DLG2: variants seen among roughly 807,000 people sequenced by gnomAD.
The protein encoded by DLG2 is disks large homolog 2.
In DLG2, 45 loss-of-function variants were observed where a neutral mutation model predicts 132.5. That is an observed-to-expected ratio of 0.34 (90% CI 0.27 to 0.44). The LOEUF is 0.44. DLG2 is among the 20% of genes least tolerant of loss of function. DLG2 has a pLI of 1.00. For synonymous variants in DLG2, 424 were observed against 419.6 expected, an observed-to-expected ratio of 1.01 and a Z score of -0.13; for missense variants, 1,045 against 1,196.9, an observed-to-expected ratio of 0.87 and a Z score of 1.87.
At chr11:84,959,454 A>C (rs543368965) in intron 6 of DLG2, among the ~76,000 whole-genome samples, 1 of 152,296 alleles carries the variant, frequency 6.6e-6, no homozygotes, top group East Asian at 1.9e-4. Flanking sequence ...TACTTGGCAA[A>C]CACCTTCTAG....
intron 8 of DLG2, among the ~76,000 whole-genome samples, chr11:84,235,007 G>A (rs1351170411): frequency 6.6e-6 from 1 of 152,154 alleles, no homozygotes; most frequent in East Asian, 1.9e-4. Context: ...TGAAGCCTGC[G>A]GCCTGGAAGC....
At chr11:85,087,154 T>C (rs1399033614) in intron 6 of DLG2, among the ~76,000 whole-genome samples, 1 of 152,168 alleles carries the variant, frequency 6.6e-6, no homozygotes, top group African/African-American at 2.4e-5. Flanking sequence ...GTGAACAGAA[T>C]AGACAAATTC....
chr11:83,712,522 C>G (rs950584517), intron 18 of DLG2, among the ~76,000 whole-genome samples: 4 of 151,860 alleles, frequency 2.6e-5, no homozygotes, highest in Non-Finnish European at 5.9e-5. Context: ...CCCAGCTACT[C>G]GGGAGGCTGA....
At chr11:84,071,995 A>C (rs1478821155) in intron 10 of DLG2, among the ~76,000 whole-genome samples, 2 of 152,214 alleles carry the variant, frequency 1.3e-5, no homozygotes, top group African/African-American at 4.8e-5. Context: ...TGCAGAAAGA[A>C]ATCCAGGCAA....
chr11:84,063,978 G>C (rs934804959), intron 10 of DLG2, among the ~76,000 whole-genome samples: 9 of 151,816 alleles, frequency 5.9e-5, no homozygotes, highest in Admixed American at 1.3e-4. Context: ...TGGGGGGCTG[G>C]GGGAGGGATA....
intron 6 of DLG2, among the ~76,000 whole-genome samples, chr11:84,710,290 C>T (rs944779597): frequency 2.6e-5 from 4 of 151,814 alleles, no homozygotes; most frequent in Admixed American, 6.6e-5. Context: ...ACTATTTTAC[C>T]GTATTTGAGC....
chr11:84,832,153 C>T (rs1283179030), intron 6 of DLG2, among the ~76,000 whole-genome samples: 1 of 151,586 alleles, frequency 6.6e-6, no homozygotes, highest in African/African-American at 2.4e-5. Flanking sequence ...CTGCTTTAAG[C>T]TCACAGTTAG....
At chr11:85,199,002 T>G (rs934192216) in intron 4 of DLG2, among the ~76,000 whole-genome samples, 1 of 152,212 alleles carries the variant, frequency 6.6e-6, no homozygotes, top group African/African-American at 2.4e-5. Context: ...GGAGAACTAG[T>G]TGGCAGTACT....
At chr11:84,705,474 A>G (rs2059691158) in intron 6 of DLG2, among the ~76,000 whole-genome samples, 1 of 151,876 alleles carries the variant, frequency 6.6e-6, no homozygotes, top group African/African-American at 2.4e-5. Context: ...GAGAGACAAA[A>G]GCTGCTTATT....
chr11:84,137,413 T>C (rs2094643387), intron 9 of DLG2, among the ~76,000 whole-genome samples: 1 of 152,058 alleles, frequency 6.6e-6, no homozygotes, highest in African/African-American at 2.4e-5. Context: ...GAGGGCATAA[T>C]TTTCAGGTGA....
intron 6 of DLG2, among the ~76,000 whole-genome samples, chr11:85,080,779 A>G (rs1313078141): frequency 6.6e-6 from 1 of 152,134 alleles, no homozygotes; most frequent in Non-Finnish European, 1.5e-5. Flanking sequence ...TTGTTGTCCA[A>G]TCATCAAGCT....
At chr11:85,248,756 C>A (rs905223702) in intron 4 of DLG2, among the ~76,000 whole-genome samples, 1 of 151,962 alleles carries the variant, frequency 6.6e-6, no homozygotes. Context: ...GAAAGTCAAC[C>A]ATAGAATAAT....
chr11:85,287,358 A>T (rs1013753596), intron 3 of DLG2, among the ~76,000 whole-genome samples: 6 of 152,154 alleles, frequency 3.9e-5, no homozygotes, highest in Admixed American at 6.6e-5. Context: ...AATTGGTAAA[A>T]GTTATGAGCA....
At chr11:85,030,930 A>G (rs2060944723) in intron 6 of DLG2, among the ~76,000 whole-genome samples, 2 of 151,938 alleles carry the variant, frequency 1.3e-5, no homozygotes, top group African/African-American at 2.4e-5. Context: ...AGCTGTACCC[A>G]TAAGTTTCTT....
At chr11:84,397,516 C>T (rs750090345) in intron 7 of DLG2, among the ~76,000 whole-genome samples, 1 of 152,184 alleles carries the variant, frequency 6.6e-6, no homozygotes, top group Non-Finnish European at 1.5e-5. Context: ...CAGGCCTCCT[C>T]ATGAAACCAC....
chr11:83,534,197 GT>G (rs940492490), intron 20 of DLG2, among the ~76,000 whole-genome samples: 6 of 152,098 alleles, frequency 3.9e-5, no homozygotes, highest in African/African-American at 1.4e-4. Context: ...TGATTTCCTT[GT>G]GTTTACTTAC....
At chr11:84,785,729 A>G (rs2072765747) in intron 6 of DLG2, among the ~76,000 whole-genome samples, 1 of 152,124 alleles carries the variant, frequency 6.6e-6, no homozygotes, top group Non-Finnish European at 1.5e-5. Context: ...TTATGAAATC[A>G]TGGATCTAAA....
At chr11:83,519,574 A>C (rs2095410956) in intron 21 of DLG2, among the ~76,000 whole-genome samples, 1 of 152,226 alleles carries the variant, frequency 6.6e-6, no homozygotes, top group South Asian at 2.1e-4. Flanking sequence ...TCTTCACCTC[A>C]TGGGATTCTT....
intron 19 of DLG2, among the ~76,000 whole-genome samples, chr11:83,570,900 G>A (rs1429488264): frequency 6.6e-6 from 1 of 152,104 alleles, no homozygotes; most frequent in Non-Finnish European, 1.5e-5. Context: ...TTTATTTATT[G>A]AAATGGAGTT....
Sources: gnomAD v4.1 joint callset for allele counts (sites outside exome capture counted in the v4.1 genomes callset) on GRCh38, gnomAD v4.1.1 for gene constraint, MANE v1.5 for transcripts, NCBI Gene and HGNC (gene_info 2026-07-23, HGNC 2026-07-21) for gene names.